Variants in FCHO2 observed in about 807,000 individuals in gnomAD.
FCHO2 encodes the protein FCH and mu domain containing endocytic adaptor 2, also known as F-BAR domain only protein 2.
Under a neutral mutation model 114.1 loss-of-function variants are expected in FCHO2, and 43 were observed. The ratio of observed to expected loss-of-function variants is 0.38; its 90% CI spans 0.30 to 0.49. The LOEUF (loss-of-function observed/expected upper bound fraction) is 0.49, where lower values mean the gene tolerates loss of function less well. Ranked by LOEUF, FCHO2 falls within the 20% of genes least tolerant of loss-of-function variation. The pLI, the probability that FCHO2 is intolerant of heterozygous loss-of-function variation, is 0.97. For synonymous variants in FCHO2, 293 were observed against 315.2 expected, an observed-to-expected ratio of 0.93 and a Z score of 0.75; for missense variants, 807 against 950.4, an observed-to-expected ratio of 0.85 and a Z score of 1.98.
intron 9 of FCHO2, 59 bp downstream of exon 9, chr5:73,034,760 C>A (rs997676272): frequency 8.7e-5 from 118 of 1,359,094 alleles, no homozygotes; most frequent in Non-Finnish European, 1.2e-4. Context: ...ATCTTCTGTT[C>A]ATTGAACAAA....
chr5:72,999,280 A>G (rs1441747660), intron 5 of FCHO2, among the ~76,000 whole-genome samples: 1 of 152,036 alleles, frequency 6.6e-6, no homozygotes, highest in Non-Finnish European at 1.5e-5. Flanking sequence ...TTTTTTTTAA[A>G]AGTCATAGAT....
intron 5 of FCHO2, among the ~76,000 whole-genome samples, chr5:73,002,728 G>A (rs972730094): frequency 2.0e-5 from 3 of 152,162 alleles, no homozygotes; most frequent in East Asian, 1.9e-4. Context: ...CTATCACCAC[G>A]CTGGGAACTA....
At chr5:73,082,095 T>C in intron 23 of FCHO2, 113 bp downstream of exon 23, 1 of 901,962 alleles carries the variant, frequency 1.1e-6, no homozygotes, top group African/African-American at 1.7e-5. Flanking sequence ...TTGTGCCTTT[T>C]TCCATAGAAA....
At chr5:73,074,927 A>T in intron 20 of FCHO2, 74 bp downstream of exon 20, 1 of 1,141,082 alleles carries the variant, frequency 8.8e-7, no homozygotes, top group Non-Finnish European at 1.2e-6. Flanking sequence ...GCTTGGTGGT[A>T]AATTTTAAGA....
intron 5 of FCHO2, among the ~76,000 whole-genome samples, chr5:72,999,740 A>C (rs1754328912): frequency 6.6e-6 from 1 of 152,118 alleles, no homozygotes. Flanking sequence ...TGGACTATTG[A>C]CTAAGTACTC....
intron 9 of FCHO2, among the ~76,000 whole-genome samples, chr5:73,036,790 C>T (rs753949858): frequency 7.9e-5 from 12 of 152,030 alleles, no homozygotes; most frequent in African/African-American, 9.7e-5. Context: ...CATTATTTGA[C>T]GTTTATAACA....
intron 9 of FCHO2, among the ~76,000 whole-genome samples, chr5:73,035,963 C>T (rs1475324067): frequency 6.6e-6 from 1 of 152,076 alleles, no homozygotes; most frequent in Non-Finnish European, 1.5e-5. Flanking sequence ...CTCCCTTAGC[C>T]TCCCAAGTAG....
At chr5:73,087,900 C>T (rs922611861) in intron 25 of FCHO2, 147 bp downstream of exon 25, 52 of 1,385,314 alleles carry the variant, frequency 3.8e-5, no homozygotes, top group Non-Finnish European at 4.8e-5. Context: ...TAGAGACACA[C>T]CTGGGAGAGA....
intron 2 of FCHO2, among the ~76,000 whole-genome samples, chr5:72,981,335 C>T (rs1337336418): frequency 6.6e-6 from 1 of 152,188 alleles, no homozygotes; most frequent in Admixed American, 6.5e-5. Flanking sequence ...ATAGGCTTCC[C>T]TTTGTGGGTA....
intron 2 of FCHO2, among the ~76,000 whole-genome samples, chr5:72,988,557 T>C (rs948352074): frequency 6.6e-6 from 1 of 152,194 alleles, no homozygotes; most frequent in African/African-American, 2.4e-5. Flanking sequence ...CGGAATAAAA[T>C]CTCATATGCT....
At chr5:72,956,967 T>C (rs1751581663) in intron 1 of FCHO2, among the ~76,000 whole-genome samples, 1 of 152,182 alleles carries the variant, frequency 6.6e-6, no homozygotes. Context: ...CAGGTATCTT[T>C]CGTGAATCCC....
At chr5:72,990,647 T>G in intron 4 of FCHO2, 28 bp downstream of exon 4, 1 of 1,527,928 alleles carries the variant, frequency 6.5e-7, no homozygotes, top group Non-Finnish European at 8.8e-7. Context: ...GTTAAATAAT[T>G]GATTGGTCAG....
At chr5:72,961,656 G>A (rs1000589037) in intron 1 of FCHO2, among the ~76,000 whole-genome samples, 3 of 151,122 alleles carry the variant, frequency 2.0e-5, no homozygotes, top group Non-Finnish European at 2.9e-5. Context: ...GTGCAATGGC[G>A]CGATCTCAGC....
intron 6 of FCHO2, among the ~76,000 whole-genome samples, chr5:73,011,074 T>C (rs769145025): frequency 2.0e-5 from 3 of 152,124 alleles, no homozygotes; most frequent in African/African-American, 4.8e-5. Flanking sequence ...AGAAAAGATA[T>C]AGTAAAAATC....
rs567796420 is a variant in FCHO2, at chr5:72,990,810, T to C, written c.441T>C (p.Cys147=). Residue 147 remains cysteine, a synonymous_variant, in exon 5 of 26, where the codon TGT becomes TGC. Transcript: ENST00000430046. Reference sequence around the variant, plus strand: ...CCAAGGAAAATTACAATGCCAAGTGTGTAGAACAGGAGCGTTTGAAAAAGG... The same window carrying C: ...CCAAGGAAAATTACAATGCCAAGTGCGTAGAACAGGAGCGTTTGAAAAAGG... The part of the protein sequence containing the change: ...QKSKENYNAK[C]VEQERLKKEG... 6.4e-7 allele frequency: 1 copy of C among 1,552,438 alleles called. No individual in the cohort carries two copies. Among genetic ancestry groups the C allele is most frequent in the East Asian group, 2.4e-5 (1 of 40,954 alleles).
At chr5:73,045,821 A>T (rs1757025503) in intron 11 of FCHO2, among the ~76,000 whole-genome samples, 1 of 152,192 alleles carries the variant, frequency 6.6e-6, no homozygotes, top group Non-Finnish European at 1.5e-5. Context: ...TTTAATTGAT[A>T]TATTTGGACC....
chr5:73,088,071 G>A lies in FCHO2; in HGVS notation c.2414G>A (p.Arg805Gln), dbSNP rs1219677561. The A allele has an allele frequency of 6.8e-6, 11 of 1,613,378 alleles. No homozygotes were observed. The highest frequency in any genetic ancestry group is 5.3e-5 in the African/African-American group (4 of 74,914). ...AGGTCTGCTTGGCGTTTTTCAGGAC[G>A]ATACCTGGCGGATTGTTGATGGACC... ...SLIKKRFATG[R>Q]YLADC Residue 805 changes from arginine (R) to glutamine (Q), a missense_variant, in exon 26 of 26, where the codon CGA (arginine) becomes CAA (glutamine). By Grantham distance (43) the Arg-to-Gln change is conservative (BLOSUM62 1). Coordinates refer to ENST00000430046, the MANE Select transcript of FCHO2 (RefSeq NM_138782.3).
intron 20 of FCHO2, among the ~76,000 whole-genome samples, chr5:73,076,301 G>T (rs1408042727): frequency 6.6e-6 from 1 of 152,082 alleles, no homozygotes; most frequent in African/African-American, 2.4e-5. Context: ...AGGTGATGCA[G>T]TCTAGACAAC....
intron 19 of FCHO2, among the ~76,000 whole-genome samples, chr5:73,069,207 A>G (rs1292486626): frequency 1.3e-5 from 2 of 152,132 alleles, no homozygotes; most frequent in African/African-American, 2.4e-5. Flanking sequence ...AGACTTAAAA[A>G]TAGCTCTTAG....
Sources: allele counts gnomAD v4.1 joint callset (sites outside exome capture counted in the v4.1 genomes callset), GRCh38; gene constraint gnomAD v4.1.1; transcripts MANE v1.5; gene names NCBI Gene and HGNC (gene_info 2026-07-23, HGNC 2026-07-21).